Variants in BNC2 observed in about 807,000 individuals in gnomAD.
BNC2 encodes the protein basonuclin zinc finger protein 2.
BNC2 carries 20 observed loss-of-function variants against 76.3 expected under a neutral mutation model. That is an observed-to-expected ratio of 0.26 (90% CI 0.18 to 0.38). The LOEUF is 0.38. Among genes scored for constraint, BNC2 ranks in the 10% least tolerant of loss-of-function variants. BNC2 has a pLI of 1.00. For synonymous variants in BNC2, 582 were observed against 514.8 expected (o/e 1.13, Z -1.77); for missense variants, 1,382 against 1,399.8 (o/e 0.99, Z 0.20).
intron 5 of BNC2, among the ~76,000 whole-genome samples, chr9:16,520,375 G>T (rs1817580148): frequency 6.6e-6 from 1 of 152,146 alleles, no homozygotes; most frequent in South Asian, 2.1e-4. Flanking sequence ...AGAAGCCAAA[G>T]ATTCAAAAAG....
In BNC2 at chr9:16,437,087, G is replaced by A. The variant is rs758963232; in HGVS notation, c.1107C>T (p.Ser369=). 13 of 1,613,958 alleles carry A rather than the reference G, an allele frequency of 8.1e-6. No homozygotes were observed. Among genetic ancestry groups the A allele is most frequent in the East Asian group, 6.7e-5 (3 of 44,882 alleles). ...TCTTATAAGGTGTGGGAGAAACTTC[G>A]GATTCGCTGCTCTCATTATATTCAT... ...TQNEYNESSE[S]EVSPTPYKND... is the part of the protein sequence containing the mutation. The change falls in exon 6 of 7, where the codon TCC becomes TCT. Residue 369 remains serine (S), a synonymous_variant. Transcript: ENST00000380672.
intron 3 of BNC2, among the ~76,000 whole-genome samples, chr9:16,694,075 AG>A (rs920316831): frequency 1.3e-5 from 2 of 152,148 alleles, no homozygotes; most frequent in Admixed American, 1.3e-4. Flanking sequence ...GCATTTTTTT[AG>A]AAAAGAGTTT....
At chr9:16,661,477 C>G (rs1038262446) in intron 3 of BNC2, among the ~76,000 whole-genome samples, 1 of 147,184 alleles carries the variant, frequency 6.8e-6, no homozygotes, top group Admixed American at 6.8e-5. Flanking sequence ...GAAAACAAAG[C>G]TAAGGTATGT....
chr9:16,727,892 T>C lies in BNC2; in HGVS notation c.235A>G (p.Met79Val), dbSNP rs765171685. ...TLRDSCTDNS[M>V]QFGTRTTTAE... ...GTAGTCGTTCTGGTTCCGAACTGCA[T>C]GGAGTTGTCAGTACAGGAGTCTCTT... Residue 79 changes from methionine to valine, a missense_variant, in exon 3 of 7, where the codon ATG becomes GTG. By Grantham distance (21) the Met-to-Val change is conservative. Around this residue, in one of 3 missense-constraint regions of BNC2, gnomAD observed 557 missense variants for 540.9 expected, o/e 1.03. Transcript: ENST00000380672. 10 of 1,614,186 alleles carry C rather than the reference T, an allele frequency of 6.2e-6. No individual in the cohort carries two copies. In the East Asian group the frequency reaches 1.8e-4, roughly 29 times the overall value.
chr9:16,659,150 G>A (rs115022473), intron 3 of BNC2, among the ~76,000 whole-genome samples: 7,312 of 98,584 alleles, frequency 0.074, 226 homozygotes, highest in South Asian at 0.21. Context: ...TGGATGGCGG[G>A]GGGGGGCATG....
At chr9:16,470,464 A>C (rs10123011) in intron 5 of BNC2, among the ~76,000 whole-genome samples, 25,996 of 152,196 alleles carry the variant, frequency 0.17, 2,554 homozygotes, top group South Asian at 0.25. Flanking sequence ...CATGGGGAAA[A>C]TGTCTCCATG....
At chr9:16,686,576 A>G (rs1400764335) in intron 3 of BNC2, among the ~76,000 whole-genome samples, 1 of 152,190 alleles carries the variant, frequency 6.6e-6, no homozygotes, top group Non-Finnish European at 1.5e-5. Flanking sequence ...TTCTTTCCCT[A>G]TCAAAGCACT....
At chr9:16,534,879 A>G (rs1018147502) in intron 5 of BNC2, among the ~76,000 whole-genome samples, 2 of 152,224 alleles carry the variant, frequency 1.3e-5, no homozygotes, top group African/African-American at 2.4e-5. Flanking sequence ...AACCATTCAA[A>G]AATCCTAATC....
intron 6 of BNC2, among the ~76,000 whole-genome samples, chr9:16,424,901 C>G (rs1210754164): frequency 1.3e-5 from 2 of 152,178 alleles, no homozygotes; most frequent in African/African-American, 2.4e-5. Context: ...CGATAGGATG[C>G]TTATGGCTCT....
chr9:16,807,792 T>C (rs893211114), intron 1 of BNC2, among the ~76,000 whole-genome samples: 2 of 152,238 alleles, frequency 1.3e-5, no homozygotes, highest in Non-Finnish European at 2.9e-5. Flanking sequence ...TTCTGACACC[T>C]GAAAATTATC....
At chr9:16,736,088 G>C (rs1449205045) in intron 2 of BNC2, among the ~76,000 whole-genome samples, 1 of 151,680 alleles carries the variant, frequency 6.6e-6, no homozygotes, top group Non-Finnish European at 1.5e-5. Context: ...ACAAAACTTA[G>C]CCGGGCATGG....
intron 5 of BNC2, among the ~76,000 whole-genome samples, chr9:16,495,053 C>T (rs1822358450): frequency 1.3e-5 from 2 of 152,144 alleles, no homozygotes; most frequent in South Asian, 4.1e-4. Flanking sequence ...GCAAGTGTGA[C>T]TTTCCATGAG....
chr9:16,568,674 C>G (rs531802499), intron 4 of BNC2, among the ~76,000 whole-genome samples: 1 of 152,124 alleles, frequency 6.6e-6, no homozygotes, highest in Non-Finnish European at 1.5e-5. Context: ...AAGACTTAGT[C>G]TACTCTTAGA....
At chr9:16,741,786 C>A (rs750530394) in intron 1 of BNC2, among the ~76,000 whole-genome samples, 1 of 151,802 alleles carries the variant, frequency 6.6e-6, no homozygotes, top group African/African-American at 2.4e-5. Flanking sequence ...GGTGAAACCC[C>A]GTCTCTACTG....
intron 3 of BNC2, among the ~76,000 whole-genome samples, chr9:16,636,373 G>C (rs977904062): frequency 6.6e-5 from 10 of 152,110 alleles, no homozygotes; most frequent in African/African-American, 2.4e-4. Flanking sequence ...CACAATCACA[G>C]CTCACTGCAG....
At chr9:16,496,496 A>T (rs1822392368) in intron 5 of BNC2, among the ~76,000 whole-genome samples, 1 of 152,234 alleles carries the variant, frequency 6.6e-6, no homozygotes, top group Non-Finnish European at 1.5e-5. Context: ...CCTTAATGTC[A>T]GTTGATATTT....
chr9:16,659,792 G>T (rs376456472), intron 3 of BNC2, among the ~76,000 whole-genome samples: 7 of 151,970 alleles, frequency 4.6e-5, no homozygotes, highest in African/African-American at 1.7e-4. Flanking sequence ...AAAATAACAG[G>T]CTCCTCTCTA....
intron 3 of BNC2, among the ~76,000 whole-genome samples, chr9:16,700,859 T>C (rs1282104485): frequency 6.6e-6 from 1 of 152,114 alleles, no homozygotes; most frequent in African/African-American, 2.4e-5. Context: ...CGCGGTTATT[T>C]GGGAGGCTGA....
At chr9:16,684,108 C>A (rs896484528) in intron 3 of BNC2, among the ~76,000 whole-genome samples, 2 of 152,024 alleles carry the variant, frequency 1.3e-5, no homozygotes, top group African/African-American at 4.8e-5. Context: ...TTTTATTTTA[C>A]ACACTCACAT....
Sources: allele counts gnomAD v4.1 joint callset (sites outside exome capture counted in the v4.1 genomes callset), GRCh38; gene constraint gnomAD v4.1.1; regional missense constraint gnomAD v4.1.1; transcripts MANE v1.5; gene names NCBI Gene and HGNC (gene_info 2026-07-23, HGNC 2026-07-21).